Variants in NKIRAS1 observed in about 807,000 individuals in gnomAD.
The protein encoded by NKIRAS1 is NF-kappa-B inhibitor-interacting Ras-like protein 1.
In NKIRAS1, 16 loss-of-function variants were observed where a neutral mutation model predicts 19.8. The observed-to-expected ratio is 0.81, with a 90% confidence interval of 0.55 to 1.23. The LOEUF is 1.23. Among genes scored for constraint, NKIRAS1 ranks in the 50% most tolerant of loss-of-function variants. The pLI, the probability that NKIRAS1 is intolerant of heterozygous loss-of-function variation, is 0.00. For synonymous variants in NKIRAS1, 88 were observed against 79.0 expected (o/e 1.11, Z -0.61); for missense variants, 184 against 220.0 (o/e 0.84, Z 1.04).
intron 1 of NKIRAS1, 47 bp downstream of exon 1, chr3:23,916,737 G>GACGCGGAGA (rs1286715039): frequency 2.0e-5 from 3 of 152,682 alleles, no homozygotes; most frequent in African/African-American, 7.2e-5. Flanking sequence ...GAGACGCGGA[G>GACGCGGAGA]ACGCAGAGAC....
chr3:23,919,449 G>A (rs376990079), upstream of NKIRAS1: 35 of 1,603,962 alleles, frequency 2.2e-5, no homozygotes, highest in African/African-American at 4.4e-4. Context: ...GGTGGCTCTC[G>A]CCGGGCAGCT....
upstream of NKIRAS1, chr3:23,920,351 A>G (rs1705008655): frequency 1.0e-6 from 1 of 985,528 alleles, no homozygotes; most frequent in Non-Finnish European, 1.2e-6. Context: ...GTCCACTCCC[A>G]TAGGCTACAG....
At chr3:23,893,379 C>G (rs377344919) in intron 4 of NKIRAS1, 42 bp from the exon 5 acceptor site, 11 of 1,558,728 alleles carry the variant, frequency 7.1e-6, no homozygotes, top group Non-Finnish European at 9.6e-6. Context: ...AGTACTTTGC[C>G]AACATCAGTT....
upstream of NKIRAS1, chr3:23,920,827 T>C: frequency 1.1e-6 from 1 of 924,944 alleles, no homozygotes; most frequent in Non-Finnish European, 1.3e-6. Context: ...AAGGAATAAA[T>C]GTCTATTAAA....
At chr3:23,895,451 A>G (rs1196513332) in intron 4 of NKIRAS1, among the ~76,000 whole-genome samples, 1 of 151,834 alleles carries the variant, frequency 6.6e-6, no homozygotes, top group Non-Finnish European at 1.5e-5. Context: ...TGGCTCTACT[A>G]CCTTTATCAT....
intron 1 of NKIRAS1, among the ~76,000 whole-genome samples, chr3:23,930,645 AAG>A (rs1452805008): frequency 5.9e-5 from 9 of 152,294 alleles, no homozygotes; most frequent in African/African-American, 1.4e-4. Context: ...TAATGATCAT[AAG>A]AGTCAATAAA....
intron 1 of NKIRAS1, among the ~76,000 whole-genome samples, chr3:23,914,321 A>G (rs1382207317): frequency 1.3e-5 from 2 of 152,164 alleles, no homozygotes; most frequent in African/African-American, 4.8e-5. Flanking sequence ...TTCTATTTTT[A>G]TAAGTAAAAC....
intron 4 of NKIRAS1, among the ~76,000 whole-genome samples, chr3:23,896,433 G>A (rs945014495): frequency 7.2e-5 from 11 of 151,872 alleles, no homozygotes; most frequent in African/African-American, 2.7e-4. Context: ...TGTCCAACAT[G>A]GTGAAACCCT....
At chr3:23,935,858 T>C (rs747805168) in intron 1 of NKIRAS1, among the ~76,000 whole-genome samples, 2 of 152,070 alleles carry the variant, frequency 1.3e-5, no homozygotes, top group African/African-American at 2.4e-5. Context: ...GGCAGGAGGA[T>C]TGCTTGAGCT....
upstream of NKIRAS1, chr3:23,919,675 G>T (rs764341909): frequency 1.4e-4 from 202 of 1,393,858 alleles, no homozygotes; most frequent in Non-Finnish European, 1.8e-4. Context: ...GGTGTATCTT[G>T]TTTCTAATAA....
At chr3:23,923,132 C>G (rs542637042) in intron 1 of NKIRAS1, 1 of 152,094 alleles carries the variant, frequency 6.6e-6, no homozygotes, top group East Asian at 1.9e-4. Context: ...TTTTCTTCCC[C>G]AAGTGGTAGG....
intron 3 of NKIRAS1, among the ~76,000 whole-genome samples, chr3:23,910,454 G>A (rs981363658): frequency 3.9e-5 from 6 of 152,012 alleles, no homozygotes; most frequent in African/African-American, 9.7e-5. Context: ...CATGCCCACT[G>A]GAAAGTTATG....
chr3:23,920,252 C>T, upstream of NKIRAS1: 2 of 985,676 alleles, frequency 2.0e-6, no homozygotes, highest in Non-Finnish European at 2.4e-6. Flanking sequence ...TTATGAATCC[C>T]TTCAGTCACA....
chr3:23,910,965 A>T (rs1703638655), intron 2 of NKIRAS1, 44 bp from the exon 3 acceptor site: 1 of 1,379,208 alleles, frequency 7.3e-7, no homozygotes, highest in African/African-American at 1.4e-5. Context: ...TACTGTTGAA[A>T]TTAACCATTT....
chr3:23,934,840 A>G (rs1375720613), intron 1 of NKIRAS1, among the ~76,000 whole-genome samples: 1 of 145,500 alleles, frequency 6.9e-6, no homozygotes, highest in East Asian at 1.9e-4. Context: ...CTTGAAAAAA[A>G]AAAACTTACA....
intron 1 of NKIRAS1, among the ~76,000 whole-genome samples, chr3:23,938,876 G>A (rs1705443412): frequency 6.6e-6 from 1 of 152,198 alleles, no homozygotes; most frequent in South Asian, 2.1e-4. Context: ...GCCATGTTGT[G>A]AGGAAGTCCA....
At chr3:23,904,157 G>A (rs1317282702) in intron 3 of NKIRAS1, among the ~76,000 whole-genome samples, 1 of 152,100 alleles carries the variant, frequency 6.6e-6, no homozygotes, top group Non-Finnish European at 1.5e-5. Context: ...AAAAGAAAAA[G>A]AAAGAAAAGA....
Position 23,890,453 on chromosome 3 carries a change from A to T in NKIRAS1, c.*2642T>A. 1 of 1,561,748 alleles carries T rather than the reference A, an allele frequency of 6.4e-7. No homozygotes were observed. Among genetic ancestry groups the T allele is most frequent in the Non-Finnish European group, 8.7e-7 (1 of 1,147,138 alleles). ...TCTACCCAAGCTGTCACTATTCGCT[A>T]AAGTTTAAAATGTTCTTTTCCTTTC... On this transcript the variant is annotated 3_prime_UTR_variant, in exon 5 of 5. Transcript: ENST00000425478.
intron 3 of NKIRAS1, among the ~76,000 whole-genome samples, chr3:23,902,332 G>A (rs1347256854): frequency 6.6e-6 from 1 of 152,106 alleles, no homozygotes; most frequent in African/African-American, 2.4e-5. Flanking sequence ...GTAATACATA[G>A]ATTGGATCAT....
Sources: gnomAD v4.1 joint callset for allele counts (sites outside exome capture counted in the v4.1 genomes callset) on GRCh38, gnomAD v4.1.1 for gene constraint, MANE v1.5 for transcripts, NCBI Gene and HGNC (gene_info 2026-07-23, HGNC 2026-07-21) for gene names.